Variants in CALCB observed in about 807,000 individuals in gnomAD.
CALCB encodes the protein calcitonin related polypeptide beta.
CALCB carries 8 observed loss-of-function variants against 10.7 expected under a neutral mutation model. The observed-to-expected ratio is 0.75, with a 90% CI of 0.44 to 1.34. The LOEUF is 1.34. CALCB is among the 40% of genes most tolerant of loss of function. The pLI, the probability that CALCB is intolerant of heterozygous loss-of-function variation, is 0.01. For synonymous variants in CALCB, 76 were observed against 66.9 expected (o/e 1.14, Z -0.66); for missense variants, 176 against 162.5 (o/e 1.08, Z -0.45).
chr11:15,078,560 A>T lies in CALCB; in HGVS notation c.*503A>T, dbSNP rs1289741822. On this transcript the variant is annotated 3_prime_UTR_variant, in exon 5 of 5. Transcript: ENST00000324229. The stretch of plus-strand genomic sequence containing the variant: ...GTACATTTGTTTCAAAACCTTGGTG[A>T]TGCATTACAACTTGTTTTCTTATGT... The T allele has an allele frequency of 2.6e-5, 4 of 152,162 alleles. No homozygotes were observed. Among genetic ancestry groups the T allele is most frequent in the Non-Finnish European group, 5.9e-5 (4 of 68,026 alleles). 9.4% of individuals were successfully genotyped at this position (152,162 alleles called of 1,614,324 possible). A position where few individuals can be genotyped will look rare whatever the true frequency, so the allele number is the denominator to read the frequency against.
chr11:15,074,148 G>T (rs1188242530), intron 1 of CALCB, among the ~76,000 whole-genome samples: 1 of 152,264 alleles, frequency 6.6e-6, no homozygotes, highest in Admixed American at 6.5e-5. Flanking sequence ...CGCTCACCTC[G>T]CGGAGCTGCT....
rs557609536 is a variant in CALCB, at chr11:15,077,540, T to G, written c.*25+70T>G. 2.7e-6 allele frequency: 4 copies of G among 1,476,580 alleles called. No individual in the cohort carries two copies. In the African/African-American group the frequency reaches 4.2e-5, roughly 15 times the overall value. 91.5% of individuals were successfully genotyped at this position (1,476,580 alleles called of 1,614,324 possible). ...AGTTAAAACCTACATTTTGAAAACC[T>G]CTGCTCTGGTAGGTTCTTTAGGTTC... On this transcript the variant is annotated intron_variant, in intron 4 of 4. Transcript: ENST00000324229.
intron 1 of CALCB, 47 bp downstream of exon 1, chr11:15,073,710 T>G (rs1850368630): frequency 6.6e-6 from 1 of 152,450 alleles, no homozygotes; most frequent in Non-Finnish European, 1.5e-5. Flanking sequence ...ATAACCTGCT[T>G]CTTCGACTAG....
rs1850412100 is a variant in CALCB at position 15,078,105 on chromosome 11, C to T, written c.*48C>T. ...CAGGTTATCATGAAACTGAACTCAC[C>T]ATTTCTATTAATTTCTGTTGGTAAG... is the stretch of plus-strand genomic sequence containing the variant. On this transcript the variant is annotated 3_prime_UTR_variant, in exon 5 of 5. Transcript: ENST00000324229. 6.6e-6 allele frequency: 1 copy of T among 151,900 alleles called. No individual in the cohort carries two copies. Among genetic ancestry groups the T allele is most frequent in the African/African-American group, 2.4e-5 (1 of 41,298 alleles). 9.4% of individuals were successfully genotyped at this position (151,900 alleles called of 1,614,324 possible).
intron 4 of CALCB, 148 bp downstream of exon 4, chr11:15,077,618 TAGCATGATGTC>T: frequency 1.4e-6 from 1 of 716,372 alleles, no homozygotes; most frequent in South Asian, 2.1e-5. Flanking sequence ...TTCTAGAACC[TAGCATGATGTC>T]AGAATGACAT....
At chr11:15,076,336 A>G (rs1391114029) in intron 3 of CALCB, among the ~76,000 whole-genome samples, 1 of 152,062 alleles carries the variant, frequency 6.6e-6, no homozygotes, top group East Asian at 1.9e-4. Context: ...AGGGACCACT[A>G]CCCGACTCCA....
At position 15,078,511 on chromosome 11, in the gene CALCB, A is replaced by G. The variant is rs982424731; in HGVS notation, c.*454A>G. The G allele has an allele frequency of 2.6e-5, 4 of 152,216 alleles. No individual in the cohort carries two copies. The highest frequency in any genetic ancestry group is 5.9e-5 in the Non-Finnish European group (4 of 68,048). The allele number at this position is 152,216 out of a possible 1,614,324, so 9.4% of individuals were successfully genotyped here. A position where few individuals can be genotyped will look rare whatever the true frequency, so the allele number is the denominator to read the frequency against. On this transcript the variant is annotated 3_prime_UTR_variant, in exon 5 of 5. Transcript: ENST00000324229. The stretch of plus-strand genomic sequence containing the variant: ...CAATATTGTGCCATTTGTGAACTTC[A>G]TCAAGATTAAAAGCATATTTTGGGT...
intron 2 of CALCB, 127 bp from the exon 3 acceptor site, chr11:15,074,934 G>A (rs1565229757): frequency 4.3e-6 from 6 of 1,409,424 alleles, no homozygotes; most frequent in Non-Finnish European, 6.0e-6. Flanking sequence ...CCTCATGCCC[G>A]TCCCCTGGGA....
At chr11:15,075,012 G>T (rs1451415208) in intron 2 of CALCB, 49 bp from the exon 3 acceptor site, 3 of 1,606,466 alleles carry the variant, frequency 1.9e-6, no homozygotes, top group Non-Finnish European at 2.6e-6. Flanking sequence ...TCCTGGGGAG[G>T]GTCAGTCAGG....
intron 3 of CALCB, among the ~76,000 whole-genome samples, chr11:15,075,773 A>G (rs1010036391): frequency 5.3e-5 from 8 of 152,098 alleles, no homozygotes; most frequent in African/African-American, 1.9e-4. Flanking sequence ...GGAGATGTGC[A>G]TGTTGTCATG....
chr11:15,076,621 A>G (rs1392202624), intron 3 of CALCB, among the ~76,000 whole-genome samples: 1 of 152,244 alleles, frequency 6.6e-6, no homozygotes, highest in Non-Finnish European at 1.5e-5. Context: ...TTCTAAATGT[A>G]CTACGATAAA....
At position 15,075,068 on chromosome 11, in the gene CALCB, C is replaced by T. The variant is rs1212577945; in HGVS notation, c.94C>T (p.Leu32=). The change falls in exon 3 of 5, where the codon CTG becomes TTG. Residue 32 remains leucine (L), a synonymous_variant. Transcript: ENST00000324229. ...TTTGCTTCCCTTCCACAGGTCTGCCCTGGAGAGCAGCCCAGACCCGGCCAC... is the reference window on the plus strand; with the variant it reads ...TTTGCTTCCCTTCCACAGGTCTGCCTTGGAGAGCAGCCCAGACCCGGCCAC... The part of the protein sequence containing the change: ...SLQAAPFRSA[L]ESSPDPATLS... 8.1e-6 allele frequency: 13 copies of T among 1,614,122 alleles called. No homozygotes were observed. The highest frequency in any genetic ancestry group is 1.0e-5 in the Non-Finnish European group (12 of 1,180,046).
intron 3 of CALCB, among the ~76,000 whole-genome samples, chr11:15,076,639 C>T (rs888594471): frequency 3.3e-5 from 5 of 152,306 alleles, no homozygotes; most frequent in South Asian, 2.1e-4. Context: ...AAAATAAGCA[C>T]GTCCTTAATG....
At chr11:15,074,612 G>T in intron 1 of CALCB, 98 bp from the exon 2 acceptor site, 1 of 871,980 alleles carries the variant, frequency 1.1e-6, no homozygotes, top group South Asian at 1.6e-5. Context: ...TCAGGCAGCT[G>T]AAGTAACGTG....
intron 2 of CALCB, 87 bp from the exon 3 acceptor site, chr11:15,074,974 A>G (rs1231801710): frequency 6.5e-7 from 1 of 1,541,972 alleles, no homozygotes; most frequent in Admixed American, 1.7e-5. Flanking sequence ...CAGGGGAAGA[A>G]GCAGAGACCA....
intron 1 of CALCB, among the ~76,000 whole-genome samples, chr11:15,074,031 C>T (rs1050679550): frequency 1.2e-4 from 18 of 152,356 alleles, no homozygotes; most frequent in Admixed American, 1.3e-4. Flanking sequence ...GTTTCGTTCC[C>T]GGGAGGTCGG....
rs1850383017 is a variant in CALCB at position 15,075,175 on chromosome 11, G to A, written c.201G>A (p.Gln67=). The change falls in exon 3 of 5, where the codon CAG becomes CAA. Residue 67 remains glutamine, a synonymous_variant. Transcript: ENST00000324229. ...AGATGAAGGCCAGTGAGCTGAAGCA[G>A]GAGCAGGAGACACAGGGCTCCAGGT... ...YVQMKASELK[Q]EQETQGSSSA... 1.9e-6 allele frequency: 3 copies of A among 1,614,104 alleles called. No homozygotes were observed. Among genetic ancestry groups the A allele is most frequent in the South Asian group, 2.2e-5 (2 of 91,092 alleles).
rs1354465641 is a variant in CALCB, at chr11:15,078,547, C to T, written c.*490C>T. The stretch of plus-strand genomic sequence containing the variant: ...AAGCATATTTTGGGTACATTTGTTT[C>T]AAAACCTTGGTGATGCATTACAACT... On this transcript the variant is annotated 3_prime_UTR_variant, in exon 5 of 5. Transcript: ENST00000324229. 6.6e-6 allele frequency: 1 copy of T among 152,088 alleles called. No individual in the cohort carries two copies. Among genetic ancestry groups the T allele is most frequent in the Non-Finnish European group, 1.5e-5 (1 of 68,016 alleles). The allele number at this position is 152,088 out of a possible 1,614,324, so 9.4% of individuals were successfully genotyped here.
chr11:15,075,652 C>T (rs1185804948), intron 3 of CALCB, among the ~76,000 whole-genome samples: 1 of 152,126 alleles, frequency 6.6e-6, no homozygotes, highest in African/African-American at 2.4e-5. Flanking sequence ...TCTTTCATAC[C>T]TGCAAGAAGC....
Sources: allele counts gnomAD v4.1 joint callset (sites outside exome capture counted in the v4.1 genomes callset), GRCh38; gene constraint gnomAD v4.1.1; transcripts MANE v1.5; gene names NCBI Gene and HGNC (gene_info 2026-07-23, HGNC 2026-07-21).